Variants in WDPCP observed in about 807,000 individuals in gnomAD.
WDPCP encodes WD repeat-containing and planar cell polarity effector protein fritz homolog.
WDPCP carries 71 observed loss-of-function variants against 93.1 expected under a neutral mutation model. The observed-to-expected ratio is 0.76, with a 90% CI of 0.63 to 0.93. The LOEUF is 0.93. WDPCP is among the 40% of genes least tolerant of loss of function. The pLI, the probability that WDPCP is intolerant of heterozygous loss-of-function variation, is 0.00. For synonymous variants in WDPCP, 315 were observed against 315.0 expected, an observed-to-expected ratio of 1.00 and a Z score of 0.00; for missense variants, 844 against 887.4, an observed-to-expected ratio of 0.95 and a Z score of 0.62.
intron 13 of WDPCP, among the ~76,000 whole-genome samples, chr2:63,290,077 T>C (rs1684293763): frequency 6.6e-6 from 1 of 152,020 alleles, no homozygotes; most frequent in African/African-American, 2.4e-5. Context: ...TCCATCCAGT[T>C]TGAACTTACG....
chr2:63,301,099 G>T (rs1341089997), intron 13 of WDPCP, among the ~76,000 whole-genome samples: 2 of 152,172 alleles, frequency 1.3e-5, no homozygotes, highest in Admixed American at 6.5e-5. Flanking sequence ...CCACCTAGTG[G>T]GACAGGGATC....
chr2:63,486,592 A>G lies in WDPCP; in HGVS notation c.209-6T>C. The G allele has an allele frequency of 6.4e-7, 1 of 1,571,360 alleles. No individual in the cohort carries two copies. On this transcript the variant is annotated splice_region_variant and splice_polypyrimidine_tract_variant and intron_variant, in intron 3 of 17. Transcript: ENST00000272321. ...TAAGTTACCATGCTCTGTCGCTGAT[A>G]TTGTGGCAGAAGGGATAGAAAGAAA... is the stretch of plus-strand genomic sequence containing the variant.
chr2:63,168,116 A>C (rs1416600627), intron 15 of WDPCP, among the ~76,000 whole-genome samples: 2 of 151,674 alleles, frequency 1.3e-5, no homozygotes, highest in South Asian at 4.2e-4. Flanking sequence ...CCAAAAAAAA[A>C]AAAAAAAAAA....
At chr2:63,745,094 A>G (rs1053202144) in intron 2 of WDPCP, among the ~76,000 whole-genome samples, 1 of 152,128 alleles carries the variant, frequency 6.6e-6, no homozygotes, top group Non-Finnish European at 1.5e-5. Context: ...TAATATATCC[A>G]TATATCAATA....
intron 1 of WDPCP, among the ~76,000 whole-genome samples, chr2:63,576,119 GC>G (rs1235018319): frequency 6.6e-6 from 1 of 152,052 alleles, no homozygotes; most frequent in Non-Finnish European, 1.5e-5. Context: ...CACACTATAA[GC>G]AATCCTCTAG....
intron 3 of WDPCP, among the ~76,000 whole-genome samples, chr2:63,601,819 C>A (rs1709423615): frequency 6.6e-6 from 1 of 152,190 alleles, no homozygotes; most frequent in Admixed American, 6.5e-5. Flanking sequence ...TAGGCTCTAA[C>A]TTCCTGGTAA....
chr2:63,714,596 G>A (rs1205585268), intron 2 of WDPCP, among the ~76,000 whole-genome samples: 6 of 152,108 alleles, frequency 3.9e-5, no homozygotes, highest in Middle Eastern at 3.2e-3. Context: ...TTGGGAGGCC[G>A]AGGCGGGCGG....
chr2:63,484,082 T>G (rs1432789365), intron 6 of WDPCP, among the ~76,000 whole-genome samples: 2 of 152,000 alleles, frequency 1.3e-5, no homozygotes, highest in Non-Finnish European at 2.9e-5. Context: ...TTTATTTTAT[T>G]TAATTATTCA....
At chr2:63,391,589 A>G (rs1215741972) in intron 10 of WDPCP, among the ~76,000 whole-genome samples, 1 of 152,204 alleles carries the variant, frequency 6.6e-6, no homozygotes, top group African/African-American at 2.4e-5. Context: ...GGAAAAGAGG[A>G]AGTCAAATTG....
chr2:63,716,247 C>T (rs1230047630), intron 2 of WDPCP, among the ~76,000 whole-genome samples: 1 of 152,190 alleles, frequency 6.6e-6, no homozygotes, highest in Admixed American at 6.5e-5. Flanking sequence ...TAATAGACCT[C>T]TAGTAACTTA....
At chr2:63,138,275 A>G (rs956451637) in intron 17 of WDPCP, among the ~76,000 whole-genome samples, 8 of 152,226 alleles carry the variant, frequency 5.3e-5, no homozygotes, top group Admixed American at 3.3e-4. Context: ...CTTTCAATGC[A>G]TAGTGTCAAG....
chr2:63,583,679 C>CA (rs10718475), intron 1 of WDPCP, among the ~76,000 whole-genome samples: 52 of 135,532 alleles, frequency 3.8e-4, no homozygotes, highest in Non-Finnish European at 4.6e-4. Flanking sequence ...GACTCCGTTT[C>CA]AAAAAAAAAA....
chr2:63,464,167 G>A (rs1467927188), intron 6 of WDPCP, among the ~76,000 whole-genome samples: 1 of 151,866 alleles, frequency 6.6e-6, no homozygotes, highest in Non-Finnish European at 1.5e-5. Flanking sequence ...ATTCAACAAC[G>A]AAAAAATCAG....
chr2:63,266,477 A>T (rs1559263319), intron 13 of WDPCP, among the ~76,000 whole-genome samples: 1 of 152,222 alleles, frequency 6.6e-6, no homozygotes. Context: ...AAAACTGTAA[A>T]ACATTGATGA....
At chr2:63,581,338 C>T (rs1708484785) in intron 1 of WDPCP, among the ~76,000 whole-genome samples, 1 of 152,056 alleles carries the variant, frequency 6.6e-6, no homozygotes, top group African/African-American at 2.4e-5. Context: ...GAGAGAACTC[C>T]AGAGAATTTC....
chr2:63,679,570 C>G (rs1710464289), intron 2 of WDPCP, among the ~76,000 whole-genome samples: 1 of 152,126 alleles, frequency 6.6e-6, no homozygotes. Flanking sequence ...CATTCCTATA[C>G]AGATTTTATA....
chr2:63,649,859 C>A (rs1367865747), intron 3 of WDPCP, among the ~76,000 whole-genome samples: 1 of 152,048 alleles, frequency 6.6e-6, no homozygotes, highest in African/African-American at 2.4e-5. Context: ...ATATAGGATC[C>A]AAGGGAAAGG....
intron 2 of WDPCP, among the ~76,000 whole-genome samples, chr2:63,676,017 T>C (rs1357552772): frequency 6.6e-6 from 1 of 152,240 alleles, no homozygotes; most frequent in African/African-American, 2.4e-5. Context: ...CTAGGACTAA[T>C]CTTTTTTACT....
rs528087092 is a variant in WDPCP, at chr2:63,472,244, A to T, written c.384+12360T>A. 4.6e-5 allele frequency among the ~76,000 whole-genome samples: 7 copies of T among 151,982 alleles called. No homozygotes were observed. The South Asian group carries it at 1.5e-3, about 32-fold the overall frequency. On this transcript the variant is annotated intron_variant, in intron 6 of 17. Coordinates refer to ENST00000272321, the MANE Select transcript of WDPCP (RefSeq NM_015910.7). ...TCTTTGATTTCCTAAAATTAACAAA[A>T]ATGCCTTTTCTAAAATTCACAAAAT... is the stretch of plus-strand genomic sequence containing the variant.
Sources: gnomAD v4.1 joint callset for allele counts (sites outside exome capture counted in the v4.1 genomes callset) on GRCh38, gnomAD v4.1.1 for gene constraint, MANE v1.5 for transcripts, NCBI Gene and HGNC (gene_info 2026-07-23, HGNC 2026-07-21) for gene names.